The following ERC1 variants were observed in gnomAD, a reference collection of about 807,000 sequenced individuals.
The protein encoded by ERC1 is ELKS/RAB6-interacting/CAST family member 1, also known as RAB6 interacting protein 2.
Under a neutral mutation model 132.0 loss-of-function variants are expected in ERC1, and 56 were observed. The ratio of observed to expected loss-of-function variants is 0.42; its 90% CI spans 0.34 to 0.53. The LOEUF is 0.53. Ranked by LOEUF, ERC1 falls within the 20% of genes least tolerant of loss-of-function variation. ERC1 has a pLI of 0.03. For missense variants in ERC1, 1,202 were observed against 1,349.9 expected, an observed-to-expected ratio of 0.89 and a Z score of 1.72; for synonymous variants, 478 against 476.1, an observed-to-expected ratio of 1.00 and a Z score of -0.05.
intron 2 of ERC1, among the ~76,000 whole-genome samples, chr12:1,081,359 C>A: frequency 6.6e-6 from 1 of 152,306 alleles, no homozygotes; most frequent in Middle Eastern, 3.4e-3. Context: ...TTGTTACCGT[C>A]CCCTGTATAA....
chr12:1,482,336 G>A (rs910787008), intron 18 of ERC1, among the ~76,000 whole-genome samples: 1 of 145,018 alleles, frequency 6.9e-6, no homozygotes, highest in Non-Finnish European at 1.5e-5. Flanking sequence ...CTTCCTTTCT[G>A]TCCAGACTAC....
At chr12:1,132,289 A>G (rs1306704578) in intron 7 of ERC1, among the ~76,000 whole-genome samples, 1 of 113,612 alleles carries the variant, frequency 8.8e-6, no homozygotes, top group Non-Finnish European at 1.9e-5. Context: ...ATAAAAGATC[A>G]TTTAATAATT....
At chr12:1,322,949 C>T (rs2082208371) in intron 15 of ERC1, among the ~76,000 whole-genome samples, 1 of 152,032 alleles carries the variant, frequency 6.6e-6, no homozygotes, top group Non-Finnish European at 1.5e-5. Context: ...AGTTTGTATG[C>T]CCTGACAGTG....
At chr12:1,288,335 G>A (rs1454487791) in intron 14 of ERC1, among the ~76,000 whole-genome samples, 1 of 152,000 alleles carries the variant, frequency 6.6e-6, no homozygotes, top group Non-Finnish European at 1.5e-5. Context: ...GGCTAGTCTC[G>A]AACTCCTGAC....
chr12:1,420,931 G>GGA lies in ERC1; in HGVS notation c.3024+12685_3024+12686insAG, dbSNP rs1555079338. ...TTTGGTTTTGGTTTGGGGGGGGGGGGGGTTAATTATAAAGCATTCTATTAT... is the reference window on the plus strand; with the variant it reads ...TTTGGTTTTGGTTTGGGGGGGGGGGGGAGGTTAATTATAAAGCATTCTATTAT... On this transcript the variant is annotated intron_variant, in intron 17 of 18. Coordinates refer to ENST00000360905, the MANE Select transcript of ERC1 (RefSeq NM_178040.4). Among the ~76,000 whole-genome samples, 72 of 138,600 alleles carry GGA rather than the reference G, an allele frequency of 5.2e-4. 1 individual carries two copies. The highest frequency in any genetic ancestry group is 1.1e-3 in the African/African-American group (42 of 36,638). 90.9% of individuals were successfully genotyped at this position (138,600 alleles called of 152,430 possible).
At chr12:1,461,964 CTTGTA>C (rs1468371963) in intron 18 of ERC1, among the ~76,000 whole-genome samples, 2 of 151,948 alleles carry the variant, frequency 1.3e-5, no homozygotes, top group Non-Finnish European at 2.9e-5. Context: ...TGACAAAGTA[CTTGTA>C]TTGAGAAGAT....
intron 1 of ERC1, among the ~76,000 whole-genome samples, chr12:1,006,769 T>G (rs1372546391): frequency 6.6e-6 from 1 of 152,038 alleles, no homozygotes; most frequent in Non-Finnish European, 1.5e-5. Flanking sequence ...AGTGATCTTC[T>G]GTCTTGGCCT....
intron 15 of ERC1, among the ~76,000 whole-genome samples, chr12:1,368,998 C>T (rs945185920): frequency 1.1e-4 from 16 of 152,008 alleles, no homozygotes; most frequent in African/African-American, 3.6e-4. Context: ...GGATGAGAGC[C>T]ATGGTCATAG....
intron 15 of ERC1, among the ~76,000 whole-genome samples, chr12:1,363,494 C>T (rs1301949515): frequency 6.6e-6 from 1 of 150,514 alleles, no homozygotes; most frequent in Non-Finnish European, 1.5e-5. Context: ...GAAGTCAGTC[C>T]ATATTGGGAT....
chr12:1,239,145 C>G (rs1307929588), intron 13 of ERC1, among the ~76,000 whole-genome samples: 1 of 152,234 alleles, frequency 6.6e-6, no homozygotes, highest in African/African-American at 2.4e-5. Context: ...CAGTCTTACT[C>G]TGTCACCTAG....
At chr12:1,219,825 C>T (rs1323033281) in intron 12 of ERC1, among the ~76,000 whole-genome samples, 1 of 152,022 alleles carries the variant, frequency 6.6e-6, no homozygotes, top group African/African-American at 2.4e-5. Context: ...TTTGTAGAGA[C>T]AGGGTTTTGC....
chr12:1,114,488 A>G (rs1946239239), intron 6 of ERC1, among the ~76,000 whole-genome samples: 1 of 151,818 alleles, frequency 6.6e-6, no homozygotes, highest in Admixed American at 6.6e-5. Flanking sequence ...AATCTTAGTC[A>G]TAGTTCTTTA....
intron 12 of ERC1, among the ~76,000 whole-genome samples, chr12:1,201,008 TTATA>T (rs1328673809): frequency 1.3e-5 from 2 of 152,216 alleles, no homozygotes; most frequent in African/African-American, 2.4e-5. Context: ...ATGTACATGT[TTATA>T]TATGCATACA....
At chr12:1,046,564 A>G (rs970577345) in intron 2 of ERC1, among the ~76,000 whole-genome samples, 1 of 152,208 alleles carries the variant, frequency 6.6e-6, no homozygotes, top group African/African-American at 2.4e-5. Flanking sequence ...GATAGAGTCT[A>G]TATGACTTAC....
At chr12:1,104,705 G>A (rs767916857) in intron 3 of ERC1, 45 bp from the exon 4 acceptor site, 8 of 1,360,370 alleles carry the variant, frequency 5.9e-6, no homozygotes, top group East Asian at 4.6e-5. Flanking sequence ...AAAAAATGAG[G>A]GTGAACAGGA....
chr12:1,039,539 GAAAGA>G (rs1351847683), intron 2 of ERC1, among the ~76,000 whole-genome samples: 1 of 150,800 alleles, frequency 6.6e-6, no homozygotes, highest in African/African-American at 2.4e-5. Context: ...AAAAAAAAAA[GAAAGA>G]AAAGAAATAT....
chr12:1,132,445 T>C (rs959279014), intron 7 of ERC1, among the ~76,000 whole-genome samples: 1 of 152,200 alleles, frequency 6.6e-6, no homozygotes, highest in Non-Finnish European at 1.5e-5. Context: ...CAGTCACCTT[T>C]TTCGGTCACC....
rs554457330 is a variant in ERC1, at chr12:1,284,128, A to G, written c.2620-5724A>G. Among the ~76,000 whole-genome samples the G allele has an allele frequency of 1.0e-3, 158 of 152,188 alleles. 1 individual carries two copies. The highest frequency in any genetic ancestry group is 3.7e-3 in the African/African-American group (154 of 41,510). The stretch of plus-strand genomic sequence containing the variant: ...ATCTCCATGAAATCAAATTTCTTCT[A>G]GCTCCCACGTGTGAGTGAGAACAAG... On this transcript the variant is annotated intron_variant, in intron 14 of 18. Coordinates refer to ENST00000360905, the MANE Select transcript of ERC1 (RefSeq NM_178040.4).
At chr12:1,352,370 C>T (rs1274846170) in intron 15 of ERC1, among the ~76,000 whole-genome samples, 1 of 152,124 alleles carries the variant, frequency 6.6e-6, no homozygotes. Flanking sequence ...TAAAAAGACA[C>T]TGGGAAAGGC....
Sources: gnomAD v4.1 joint callset for allele counts (sites outside exome capture counted in the v4.1 genomes callset) on GRCh38, gnomAD v4.1.1 for gene constraint, MANE v1.5 for transcripts, NCBI Gene and HGNC (gene_info 2026-07-23, HGNC 2026-07-21) for gene names.